The following CNTN5 variants were observed in gnomAD, a reference collection of about 807,000 sequenced individuals.
CNTN5 encodes the protein contactin-5.
Under a neutral mutation model 129.1 loss-of-function variants are expected in CNTN5, and 77 were observed. That is an observed-to-expected ratio of 0.60 (90% CI 0.50 to 0.72). CNTN5 has a LOEUF of 0.72. CNTN5 is among the 30% of genes least tolerant of loss of function. CNTN5 has a pLI of 0.00. For synonymous variants in CNTN5, 509 were observed against 465.6 expected (o/e 1.09, Z -1.20); for missense variants, 1,478 against 1,328.8 (o/e 1.11, Z -1.75).
chr11:100,111,018 T>G (rs900692428), intron 13 of CNTN5, among the ~76,000 whole-genome samples: 1 of 131,136 alleles, frequency 7.6e-6, no homozygotes, highest in African/African-American at 2.8e-5. Context: ...AAAAAAAAAA[T>G]GTAAAGACAA....
At chr11:99,966,018 A>C (rs182072697) in intron 8 of CNTN5, among the ~76,000 whole-genome samples, 1 of 152,184 alleles carries the variant, frequency 6.6e-6, no homozygotes, top group South Asian at 2.1e-4. Context: ...AAACCTCTCA[A>C]TGCAGAGATA....
intron 9 of CNTN5, among the ~76,000 whole-genome samples, chr11:100,058,513 T>C (rs1943331772): frequency 6.6e-6 from 1 of 152,112 alleles, no homozygotes; most frequent in African/African-American, 2.4e-5. Context: ...TTCTAGGATC[T>C]ATTAAAAGAA....
intron 1 of CNTN5, among the ~76,000 whole-genome samples, chr11:99,270,291 G>A (rs12287769): frequency 9.3e-5 from 14 of 151,058 alleles, no homozygotes; most frequent in African/African-American, 2.4e-4. Context: ...TTTCATTAGG[G>A]TATGCATTTT....
chr11:99,477,579 A>G (rs1945423659), intron 2 of CNTN5, among the ~76,000 whole-genome samples: 1 of 152,036 alleles, frequency 6.6e-6, no homozygotes, highest in African/African-American at 2.4e-5. Context: ...TATAAAGGGA[A>G]AGAGAGAAAC....
chr11:99,187,824 T>C (rs188022401), intron 1 of CNTN5, among the ~76,000 whole-genome samples: 118 of 151,938 alleles, frequency 7.8e-4, no homozygotes, highest in Middle Eastern at 3.5e-3. Context: ...TTTATAATTA[T>C]GTAAAACATT....
intron 13 of CNTN5, among the ~76,000 whole-genome samples, chr11:100,093,387 A>G (rs1045434605): frequency 1.2e-4 from 19 of 152,062 alleles, no homozygotes; most frequent in Admixed American, 1.2e-3. Context: ...CAGCCTCCTG[A>G]GTAGTGGGGA....
rs17134546 is a variant in CNTN5 at position 99,868,713 on chromosome 11, G to A, written c.577+23451G>A. 4.8e-3 allele frequency among the ~76,000 whole-genome samples: 730 copies of A among 152,298 alleles called. 4 individuals carry two copies. Among genetic ancestry groups the A allele is most frequent in the African/African-American group, 0.017 (692 of 41,556 alleles). ...AAACAGCATGGTGTGTAGTAAGGAA[G>A]ATTGACTGTTGGAGAGTGTTGGAGT... is the stretch of plus-strand genomic sequence containing the variant. On this transcript the variant is annotated intron_variant, in intron 6 of 24. Transcript: ENST00000524871.
chr11:99,863,837 G>A (rs1013126540), intron 6 of CNTN5, among the ~76,000 whole-genome samples: 4 of 152,146 alleles, frequency 2.6e-5, no homozygotes, highest in Non-Finnish European at 5.9e-5. Context: ...TGTATGATCT[G>A]AGCTTTCAAA....
intron 3 of CNTN5, among the ~76,000 whole-genome samples, chr11:99,641,548 C>T (rs568303686): frequency 2.6e-5 from 4 of 152,106 alleles, no homozygotes; most frequent in Admixed American, 2.0e-4. Context: ...GGCAAGCCAC[C>T]CCATCTTAGG....
intron 18 of CNTN5, among the ~76,000 whole-genome samples, chr11:100,284,700 C>G (rs1363420384): frequency 6.6e-6 from 1 of 152,138 alleles, no homozygotes; most frequent in Non-Finnish European, 1.5e-5. Flanking sequence ...ATATAGTTAA[C>G]TACGTAACTT....
At chr11:99,760,335 C>T (rs564566475) in intron 3 of CNTN5, among the ~76,000 whole-genome samples, 41 of 152,144 alleles carry the variant, frequency 2.7e-4, no homozygotes, top group African/African-American at 9.4e-4. Context: ...CTGAGAGGAT[C>T]TGGGGGCCAT....
intron 1 of CNTN5, among the ~76,000 whole-genome samples, chr11:99,137,589 GT>G (rs1859295801): frequency 6.6e-6 from 1 of 152,030 alleles, no homozygotes; most frequent in African/African-American, 2.4e-5. Flanking sequence ...TTTTTTGCCT[GT>G]TTTAAAAATT....
At chr11:99,849,801 T>C (rs908949718) in intron 6 of CNTN5, among the ~76,000 whole-genome samples, 1 of 152,154 alleles carries the variant, frequency 6.6e-6, no homozygotes, top group Non-Finnish European at 1.5e-5. Flanking sequence ...AAAATGTAAA[T>C]TCATTTTTCA....
chr11:99,408,242 T>G (rs183715582), intron 2 of CNTN5, among the ~76,000 whole-genome samples: 2 of 151,122 alleles, frequency 1.3e-5, no homozygotes, highest in African/African-American at 4.9e-5. Context: ...TACAAGAGAC[T>G]GTGTATTACT....
chr11:99,470,801 A>G (rs1431816272), intron 2 of CNTN5, among the ~76,000 whole-genome samples: 1 of 102,072 alleles, frequency 9.8e-6, no homozygotes, highest in Non-Finnish European at 2.1e-5. Flanking sequence ...TATAGAAGGA[A>G]AATCACAAAT....
intron 6 of CNTN5, among the ~76,000 whole-genome samples, chr11:99,866,243 T>G (rs1383510784): frequency 6.6e-6 from 1 of 152,162 alleles, no homozygotes; most frequent in African/African-American, 2.4e-5. Flanking sequence ...CCCCCAGCAC[T>G]CAGAGAATTT....
intron 2 of CNTN5, among the ~76,000 whole-genome samples, chr11:99,547,156 A>G (rs1435644023): frequency 6.6e-6 from 1 of 151,886 alleles, no homozygotes; most frequent in Non-Finnish European, 1.5e-5. Context: ...GTCATGCACC[A>G]CCACACCCGG....
At chr11:100,146,087 G>T (rs1177088189) in intron 13 of CNTN5, among the ~76,000 whole-genome samples, 3 of 152,086 alleles carry the variant, frequency 2.0e-5, no homozygotes, top group African/African-American at 7.2e-5. Context: ...AGTAAATACC[G>T]CTGTATAAAT....
intron 7 of CNTN5, among the ~76,000 whole-genome samples, chr11:99,940,946 A>T (rs1950421187): frequency 6.6e-6 from 1 of 152,114 alleles, no homozygotes; most frequent in Non-Finnish European, 1.5e-5. Context: ...AAAAACAAGG[A>T]TGGCATGTTT....
Sources: gnomAD v4.1 joint callset for allele counts (sites outside exome capture counted in the v4.1 genomes callset) on GRCh38, gnomAD v4.1.1 for gene constraint, MANE v1.5 for transcripts, NCBI Gene and HGNC (gene_info 2026-07-23, HGNC 2026-07-21) for gene names.